Variants in CEP250 observed in about 807,000 individuals in gnomAD.
The protein encoded by CEP250 is centrosome-associated protein CEP250.
A neutral mutation model predicts 315.7 loss-of-function variants in CEP250; 242 were observed. The observed-to-expected ratio is 0.77, with a 90% confidence interval of 0.69 to 0.85. The LOEUF (loss-of-function observed/expected upper bound fraction) is 0.85, where lower values mean the gene tolerates loss of function less well. Among genes scored for constraint, CEP250 ranks in the 40% least tolerant of loss-of-function variants. The pLI is 0.00. For missense variants in CEP250, 2,515 were observed against 2,886.4 expected, an observed-to-expected ratio of 0.87 and a Z score of 2.95; for synonymous variants, 1,088 against 1,175.0, an observed-to-expected ratio of 0.93 and a Z score of 1.51.
At position 35,475,483 on chromosome 20, in the gene CEP250, C is replaced by T; in HGVS notation, c.1572-19C>T. On this transcript the variant is annotated intron_variant, in intron 14 of 34. Transcript: ENST00000397527. ...CCATCCCTAAGAGTTCCTCTAGACCCCTCTCTTTCCCATCTTAGTCAGGAG... is the reference window on the plus strand; with the variant it reads ...CCATCCCTAAGAGTTCCTCTAGACCTCTCTCTTTCCCATCTTAGTCAGGAG... 6.2e-7 allele frequency: 1 copy of T among 1,613,464 alleles called. No homozygotes were observed. The highest frequency in any genetic ancestry group is 1.3e-5 in the African/African-American group (1 of 75,030).
intron 5 of CEP250, among the ~76,000 whole-genome samples, chr20:35,465,264 A>G (rs926080889): frequency 1.3e-5 from 2 of 152,020 alleles, no homozygotes; most frequent in African/African-American, 4.8e-5. Flanking sequence ...TACTAAAACT[A>G]CAAAAATTAT....
chr20:35,478,246 C>T, intron 17 of CEP250, 145 bp downstream of exon 17: 1 of 653,468 alleles, frequency 1.5e-6, no homozygotes, highest in Non-Finnish European at 2.7e-6. Context: ...GTATATCTTC[C>T]AATTTTAAAA....
chr20:35,504,830 G>A lies in CEP250; in HGVS notation c.6461G>A (p.Arg2154Gln), dbSNP rs1478062497. The A allele has an allele frequency of 1.9e-5, 30 of 1,614,100 alleles. No individual in the cohort carries two copies. Among genetic ancestry groups the A allele is most frequent in the Non-Finnish European group, 2.4e-5 (28 of 1,180,044 alleles). ...LEPRLQRELE[R>Q]LQAALRQTEA... ...CCCAGGCTGCAGCGGGAGCTGGAGC[G>A]GCTACAGGCAGCCCTGAGACAGACA... is the stretch of plus-strand genomic sequence containing the variant. Residue 2154 changes from arginine (R) to glutamine (Q), a missense_variant, in exon 30 of 35, where the codon CGG becomes CAG. Physicochemically the swap from Arg to Gln is conservative, Grantham distance 43. Coordinates refer to ENST00000397527, the MANE Select transcript of CEP250 (RefSeq NM_007186.6).
Position 35,475,499 on chromosome 20 carries a change from T to C in CEP250, c.1572-3T>C. ...CTCTAGACCCCTCTCTTTCCCATCT[T>C]AGTCAGGAGATGCTGATGGGCCTGG... On this transcript the variant is annotated splice_polypyrimidine_tract_variant and splice_region_variant and intron_variant, in intron 14 of 34. Coordinates refer to ENST00000397527, the MANE Select transcript of CEP250 (RefSeq NM_007186.6). The C allele has an allele frequency of 6.2e-7, 1 of 1,613,994 alleles. No homozygotes were observed. Among genetic ancestry groups the C allele is most frequent in the African/African-American group, 1.3e-5 (1 of 75,046 alleles).
chr20:35,503,162 A>AAGAAAGGAGCCAGGAGCTGCAGGC lies in CEP250; in HGVS notation c.4795_4818dup (p.Glu1599_Ala1606dup). 6.2e-7 allele frequency: 1 copy of AAGAAAGGAGCCAGGAGCTGCAGGC among 1,614,118 alleles called. No individual in the cohort carries two copies. The highest frequency in any genetic ancestry group is 8.5e-7 in the Non-Finnish European group (1 of 1,180,006). On this transcript the variant is annotated inframe_insertion, in exon 30 of 35. Transcript: ENST00000397527. This position sits in a 1 kb window ranked among gnomAD's most constrained non-coding sequence, Gnocchi z 4.2. ...TTGACCCACCTTACGCTGGACCTAG[A>AAGAAAGGAGCCAGGAGCTGCAGGC]AGAAAGGAGCCAGGAGCTGCAGGCA...
At position 35,472,891 on chromosome 20, in the gene CEP250, C is replaced by G. The variant is rs140530131; in HGVS notation, c.1209+60C>G. 3,364 of 1,541,080 alleles carry G rather than the reference C, an allele frequency of 2.2e-3. 9 individuals carry two copies. The highest frequency in any genetic ancestry group is 2.3e-3 in the Non-Finnish European group (2,591 of 1,117,528). On this transcript the variant is annotated intron_variant, in intron 12 of 34. Transcript: ENST00000397527. Reference sequence around the variant, plus strand: ...GGTTTGTGTCTAAACTGGTTTGTGCCTCAGGTACCTCCCTAGCCTGGACTA... The same window carrying G: ...GGTTTGTGTCTAAACTGGTTTGTGCGTCAGGTACCTCCCTAGCCTGGACTA...
At chr20:35,463,323 A>C (rs2146679779) in intron 4 of CEP250, among the ~76,000 whole-genome samples, 1 of 152,364 alleles carries the variant, frequency 6.6e-6, no homozygotes, top group Non-Finnish European at 1.5e-5. Context: ...GAATCACTTC[A>C]ATCTGGGAAG....
Position 35,503,695 on chromosome 20 carries a change from C to A in CEP250, c.5326C>A (p.Arg1776=), listed in dbSNP as rs370975030. ...VGETSLLLSQ[R]EQEIVVLQQQ... is the part of the protein sequence containing the mutation. ...TGAGACCAGCCTCCTCCTGTCCCAG[C>A]GAGAGCAGGAAATAGTGGTCCTGCA... The change falls in exon 30 of 35, where the codon CGA becomes AGA. Residue 1776 remains arginine (R), a synonymous_variant. Transcript: ENST00000397527. This position sits in a 1 kb window ranked among gnomAD's most constrained non-coding sequence, Gnocchi z 4.2. 2 of 1,614,036 alleles carry A rather than the reference C, an allele frequency of 1.2e-6. No individual in the cohort carries two copies. Among genetic ancestry groups the A allele is most frequent in the South Asian group, 1.1e-5 (1 of 91,078 alleles).
chr20:35,490,997 G>A, intron 21 of CEP250, 193 bp downstream of exon 21: 2 of 789,270 alleles, frequency 2.5e-6, no homozygotes, highest in Non-Finnish European at 2.0e-6. Flanking sequence ...TACTTCCTGA[G>A]GGAGGGCTGA....
Position 35,516,402 on chromosome 20 carries a change from C to T in CEP250, c.*4776C>T, listed in dbSNP as rs2064436075. The T allele has an allele frequency of 6.6e-6, 1 of 152,224 alleles. No individual in the cohort carries two copies. The highest frequency in any genetic ancestry group is 6.5e-5 in the Admixed American group (1 of 15,276). The allele number at this position is 152,224 out of a possible 1,614,324, so 9.4% of individuals were successfully genotyped here. On this transcript the variant is annotated 3_prime_UTR_variant, in exon 35 of 35. Transcript: ENST00000397527. The stretch of plus-strand genomic sequence containing the variant: ...CTATGAACATTCCAGCCCTGCAGGT[C>T]AGATTGCTGGCCAGGAGTAGTCTCA...
chr20:35,502,482 A>T lies in CEP250; in HGVS notation c.4113A>T (p.Ala1371=), dbSNP rs771023302. 1.2e-6 allele frequency: 2 copies of T among 1,614,230 alleles called. No homozygotes were observed. The highest frequency in any genetic ancestry group is 1.3e-5 in the African/African-American group (1 of 75,068). The part of the protein sequence containing the change: ...QAAVVEARAQ[A]SAAGILEEDL... ...CTGTCGTAGAAGCCAGGGCTCAGGC[A>T]AGTGCTGCTGGCATCCTGGAAGAAG... The change falls in exon 30 of 35, where the codon GCA becomes GCT. Residue 1371 remains alanine, a synonymous_variant. Transcript: ENST00000397527.
chr20:35,499,957 C>G (rs1016029383), intron 27 of CEP250, 92 bp from the exon 28 acceptor site: 10 of 1,541,084 alleles, frequency 6.5e-6, no homozygotes, highest in Admixed American at 3.5e-5. Context: ...GGCGGCCCAC[C>G]ACAGAAGCTG....
chr20:35,505,652 C>CAAAA (rs57141703), intron 30 of CEP250, among the ~76,000 whole-genome samples: 5 of 103,156 alleles, frequency 4.8e-5, no homozygotes, highest in Non-Finnish European at 8.8e-5. Context: ...GACTCCATCT[C>CAAAA]AAAAAAAAAA....
intron 20 of CEP250, 38 bp downstream of exon 20, chr20:35,480,183 A>G (rs766509479): frequency 1.5e-5 from 24 of 1,574,896 alleles, no homozygotes; most frequent in African/African-American, 8.1e-5. Context: ...CCTCCCTTCC[A>G]TGAGTGCTCT....
chr20:35,502,639 G>A lies in CEP250; in HGVS notation c.4270G>A (p.Ala1424Thr), dbSNP rs1568831085. The change falls in exon 30 of 35, where the codon GCC becomes ACC. Residue 1424 changes from alanine (A) to threonine (T), a missense_variant. Coordinates refer to ENST00000397527, the MANE Select transcript of CEP250 (RefSeq NM_007186.6). ...AGGGAAGGCTCTGCAAGAGAATTTG[G>A]CCCTCCTGACCCAGACCCTAGCTGA... Reference protein sequence around the residue: ...AQGKALQENLALLTQTLAERE... With the variant: ...AQGKALQENLTLLTQTLAERE... The A allele has an allele frequency of 2.5e-6, 4 of 1,614,146 alleles. No individual in the cohort carries two copies. The highest frequency in any genetic ancestry group is 3.4e-6 in the Non-Finnish European group (4 of 1,180,064).
chr20:35,464,753 T>C (rs1028066915), intron 5 of CEP250, among the ~76,000 whole-genome samples: 2 of 116,270 alleles, frequency 1.7e-5, no homozygotes, highest in African/African-American at 7.8e-5. Context: ...AAACCCCATC[T>C]CTACTAAAAA....
chr20:35,515,715 AG>A lies in CEP250; in HGVS notation c.*4093del. 6.6e-6 allele frequency: 1 copy of A among 152,608 alleles called. No homozygotes were observed. Among genetic ancestry groups the A allele is most frequent in the Non-Finnish European group, 1.5e-5 (1 of 68,262 alleles). 9.5% of individuals were successfully genotyped at this position (152,608 alleles called of 1,614,324 possible). ...CTCTGCAGAGCGGGGGAATGGGGCC[AG>A]GGGACAGGGGCAGGGAAGAGGAAGA... On this transcript the variant is annotated 3_prime_UTR_variant, in exon 35 of 35. Coordinates refer to ENST00000397527, the MANE Select transcript of CEP250 (RefSeq NM_007186.6).
intron 15 of CEP250, 133 bp downstream of exon 15, chr20:35,475,779 C>G: frequency 1.1e-6 from 1 of 943,690 alleles, no homozygotes; most frequent in Non-Finnish European, 1.6e-6. Flanking sequence ...TCTGGGTTCT[C>G]TATTCCAACA....
intron 10 of CEP250, among the ~76,000 whole-genome samples, chr20:35,470,454 G>GA (rs962231434): frequency 4.1e-4 from 63 of 152,304 alleles, no homozygotes; most frequent in African/African-American, 1.4e-3. Flanking sequence ...GCTGGGAAAA[G>GA]AGAGTTTATG....
Sources: gnomAD v4.1 joint callset for allele counts (sites outside exome capture counted in the v4.1 genomes callset) on GRCh38, gnomAD v4.1.1 for gene constraint, Gnocchi (gnomAD v3.1) non-coding constraint, MANE v1.5 for transcripts, NCBI Gene and HGNC (gene_info 2026-07-23, HGNC 2026-07-21) for gene names.